The following FRAS1 variants were observed in gnomAD, a reference collection of about 807,000 sequenced individuals.
FRAS1 encodes the protein Fraser extracellular matrix complex subunit 1.
Under a neutral mutation model 435.2 loss-of-function variants are expected in FRAS1, and 290 were observed. The ratio of observed to expected loss-of-function variants is 0.67; its 90% confidence interval spans 0.61 to 0.73. The LOEUF is 0.73. Ranked by LOEUF, FRAS1 falls within the 30% of genes least tolerant of loss-of-function variation. The pLI, the probability that FRAS1 is intolerant of heterozygous loss-of-function variation, is 0.00. For synonymous variants in FRAS1, 1,800 were observed against 1,851.0 expected (o/e 0.97, Z 0.71); for missense variants, 4,860 against 5,001.5 (o/e 0.97, Z 0.85).
At position 78,537,144 on chromosome 4, in the gene FRAS1, C is replaced by A. The variant is rs1188977606; in HGVS notation, c.11242C>A (p.Pro3748Thr). 1.9e-6 allele frequency: 3 copies of A among 1,613,976 alleles called. No individual in the cohort carries two copies. The highest frequency in any genetic ancestry group is 1.7e-5 in the Admixed American group (1 of 60,020). ...DPTGTIYNEG[P>T]QYGCIQPNKH... is the part of the protein sequence containing the mutation. ...CACGGGGACAATCTACAATGAAGGG[C>A]CCCAGTATGGATGCATTCAGCCAAA... Residue 3748 changes from proline (P) to threonine (T), a missense_variant, in exon 72 of 74, where the codon CCC becomes ACC. Transcript: ENST00000512123.
chr4:78,258,674 T>C (rs1015952770), intron 6 of FRAS1, among the ~76,000 whole-genome samples: 1 of 149,120 alleles, frequency 6.7e-6, no homozygotes, highest in Admixed American at 6.7e-5. Context: ...CATCCTTTTT[T>C]AACTTTTATT....
intron 2 of FRAS1, among the ~76,000 whole-genome samples, chr4:78,155,103 C>T (rs1349205974): frequency 6.6e-6 from 1 of 152,200 alleles, no homozygotes; most frequent in African/African-American, 2.4e-5. Context: ...ATTCAGATAG[C>T]TGCTTTAAAC....
At chr4:78,381,546 T>C (rs2110321865) in intron 27 of FRAS1, among the ~76,000 whole-genome samples, 1 of 152,348 alleles carries the variant, frequency 6.6e-6, no homozygotes. Context: ...TGCCTTGGCC[T>C]CCCAAAGTGC....
At chr4:78,064,166 A>G (rs907354802) in intron 1 of FRAS1, among the ~76,000 whole-genome samples, 1 of 151,244 alleles carries the variant, frequency 6.6e-6, no homozygotes, top group Non-Finnish European at 1.5e-5. Context: ...TCAAGGTTTT[A>G]TCTCAAGTTA....
chr4:78,342,803 A>G (rs1438855737), intron 20 of FRAS1, among the ~76,000 whole-genome samples: 2 of 152,210 alleles, frequency 1.3e-5, no homozygotes, highest in Admixed American at 6.5e-5. Context: ...TAGAAAGAAG[A>G]TAATATCAAG....
At chr4:78,301,806 T>C (rs148702664) in intron 14 of FRAS1, among the ~76,000 whole-genome samples, 1 of 152,000 alleles carries the variant, frequency 6.6e-6, no homozygotes, top group African/African-American at 2.4e-5. Flanking sequence ...AATCTCTTAG[T>C]GATTCTTTAC....
intron 2 of FRAS1, among the ~76,000 whole-genome samples, chr4:78,153,796 T>A (rs1224953561): frequency 6.6e-6 from 1 of 152,226 alleles, no homozygotes; most frequent in Non-Finnish European, 1.5e-5. Context: ...TTCTTGAATC[T>A]GCTTTACATT....
intron 23 of FRAS1, among the ~76,000 whole-genome samples, chr4:78,370,969 A>G (rs1437566966): frequency 6.6e-6 from 1 of 152,184 alleles, no homozygotes; most frequent in Non-Finnish European, 1.5e-5. Context: ...TCTGTCAAGT[A>G]AACTTAGGAT....
chr4:78,427,610 T>A (rs539152555), intron 35 of FRAS1, among the ~76,000 whole-genome samples: 19 of 152,362 alleles, frequency 1.2e-4, no homozygotes, highest in Middle Eastern at 3.4e-3. Flanking sequence ...TCTGTGCCTA[T>A]TTTTGAAGAT....
intron 45 of FRAS1, among the ~76,000 whole-genome samples, chr4:78,450,999 G>T (rs1161694808): frequency 6.6e-6 from 1 of 151,992 alleles, no homozygotes; most frequent in Non-Finnish European, 1.5e-5. Context: ...CAAGTGTCCC[G>T]CCCACACACT....
chr4:78,161,504 C>T (rs571842941), intron 2 of FRAS1, among the ~76,000 whole-genome samples: 1 of 152,004 alleles, frequency 6.6e-6, no homozygotes, highest in South Asian at 2.1e-4. Flanking sequence ...ATGGAATAAT[C>T]TAGACAGGGC....
At chr4:78,142,190 C>T (rs766818832) in intron 2 of FRAS1, among the ~76,000 whole-genome samples, 1 of 151,896 alleles carries the variant, frequency 6.6e-6, no homozygotes, top group Admixed American at 6.6e-5. Context: ...TCTAGACTTT[C>T]GTTTGAGAAC....
chr4:78,270,479 A>G (rs1354908845), intron 9 of FRAS1, among the ~76,000 whole-genome samples: 5 of 151,892 alleles, frequency 3.3e-5, no homozygotes, highest in African/African-American at 1.2e-4. Context: ...TCTTCTGTGT[A>G]TTTTGCTATA....
At chr4:78,423,220 G>A (rs1733861127) in intron 34 of FRAS1, among the ~76,000 whole-genome samples, 1 of 151,238 alleles carries the variant, frequency 6.6e-6, no homozygotes, top group Non-Finnish European at 1.5e-5. Context: ...AGGCTGGAGT[G>A]CAGTGGCATG....
At chr4:78,267,029 A>G in intron 8 of FRAS1, 94 bp downstream of exon 8, 2 of 991,702 alleles carry the variant, frequency 2.0e-6, no homozygotes, top group Non-Finnish European at 3.0e-6. Context: ...GGGGGAATCA[A>G]AAGTTTTATA....
chr4:78,277,713 T>A (rs1361149024), intron 9 of FRAS1, among the ~76,000 whole-genome samples: 1 of 152,156 alleles, frequency 6.6e-6, no homozygotes, highest in Admixed American at 6.5e-5. Context: ...AAATAAAAAT[T>A]TTAAAATTAT....
At chr4:78,270,075 ATTTG>A (rs1451981095) in intron 9 of FRAS1, among the ~76,000 whole-genome samples, 2 of 152,156 alleles carry the variant, frequency 1.3e-5, no homozygotes, top group Admixed American at 6.5e-5. Flanking sequence ...AAAGGAAAGA[ATTTG>A]TTTGTTTCTG....
At chr4:78,142,078 A>G (rs1412919192) in intron 2 of FRAS1, among the ~76,000 whole-genome samples, 1 of 152,142 alleles carries the variant, frequency 6.6e-6, no homozygotes, top group East Asian at 1.9e-4. Context: ...ACAAATCACC[A>G]CTAAAGAACT....
chr4:78,283,861 A>G lies in FRAS1; in HGVS notation c.1256-544A>G, dbSNP rs113481916. 1.6e-4 allele frequency among the ~76,000 whole-genome samples: 24 copies of G among 152,344 alleles called. 1 individual carries two copies. The highest frequency in any genetic ancestry group is 1.6e-4 in the Non-Finnish European group (11 of 68,030). On this transcript the variant is annotated intron_variant, in intron 12 of 73. Coordinates refer to ENST00000512123, the MANE Select transcript of FRAS1 (RefSeq NM_025074.7). ...GTCCTTGACAACTTCAAAACCTGAAAAAAGAAGTCCCTTGCTGATAATTAC... is the reference window on the plus strand; with the variant it reads ...GTCCTTGACAACTTCAAAACCTGAAGAAAGAAGTCCCTTGCTGATAATTAC...
Sources: gnomAD v4.1 joint callset for allele counts (sites outside exome capture counted in the v4.1 genomes callset) on GRCh38, gnomAD v4.1.1 for gene constraint, MANE v1.5 for transcripts, NCBI Gene and HGNC (gene_info 2026-07-23, HGNC 2026-07-21) for gene names.